The following DLG2 variants were observed in gnomAD, a reference collection of about 807,000 sequenced individuals.
DLG2 encodes the protein disks large homolog 2.
In DLG2, 45 loss-of-function variants were observed where a neutral mutation model predicts 132.5. The ratio of observed to expected loss-of-function variants is 0.34; its 90% CI spans 0.27 to 0.44. DLG2 has a LOEUF of 0.44. Among genes scored for constraint, DLG2 ranks in the 20% least tolerant of loss-of-function variants. The pLI, the probability that DLG2 is intolerant of heterozygous loss-of-function variation, is 1.00. For synonymous variants in DLG2, 424 were observed against 419.6 expected (o/e 1.01, Z -0.13); for missense variants, 1,045 against 1,196.9 (o/e 0.87, Z 1.87).
chr11:84,248,974 T>A (rs2097338065), intron 8 of DLG2, among the ~76,000 whole-genome samples: 1 of 152,230 alleles, frequency 6.6e-6, no homozygotes, highest in African/African-American at 2.4e-5. Flanking sequence ...TTGATGAATT[T>A]GTTATTTGCG....
chr11:85,595,994 T>C (rs1399303778), intron 3 of DLG2, among the ~76,000 whole-genome samples: 1 of 152,184 alleles, frequency 6.6e-6, no homozygotes, highest in Admixed American at 6.5e-5. Flanking sequence ...GGCTCAAGCC[T>C]ATAATCCAAA....
intron 6 of DLG2, among the ~76,000 whole-genome samples, chr11:84,810,196 A>G (rs1451659913): frequency 6.6e-6 from 1 of 152,132 alleles, no homozygotes; most frequent in Non-Finnish European, 1.5e-5. Context: ...AGGAGAAAAT[A>G]TTTGTAAAGC....
At chr11:84,402,387 T>C (rs17734404) in intron 7 of DLG2, among the ~76,000 whole-genome samples, 3,320 of 152,260 alleles carry the variant, frequency 0.022, 51 homozygotes, top group Non-Finnish European at 0.035. Context: ...CTAGGTTTGA[T>C]GGGAAATTTA....
chr11:83,935,640 C>T lies in DLG2; in HGVS notation c.1341-5157G>A, dbSNP rs2081277521. ...CACTGAATTGGGCACTCAAGAATTT[C>T]CACGGGGGCAGTTGGAGTAGATGCC... On this transcript the variant is annotated intron_variant, in intron 14 of 27. Coordinates refer to ENST00000376104, the MANE Select transcript of DLG2 (RefSeq NM_001142699.3). 2.6e-5 allele frequency among the ~76,000 whole-genome samples: 4 copies of T among 152,274 alleles called. No homozygotes were observed. The South Asian group carries it at 8.3e-4, about 32-fold the overall frequency.
chr11:83,499,256 G>T (rs1186944941), intron 21 of DLG2, among the ~76,000 whole-genome samples: 1 of 152,070 alleles, frequency 6.6e-6, no homozygotes, highest in Non-Finnish European at 1.5e-5. Context: ...CACGAGAAAA[G>T]AAGACTACAA....
At chr11:84,058,339 C>G (rs1341440015) in intron 11 of DLG2, among the ~76,000 whole-genome samples, 1 of 151,544 alleles carries the variant, frequency 6.6e-6, no homozygotes, top group African/African-American at 2.4e-5. Flanking sequence ...TTCTGAAGAA[C>G]AGAGTTCAAA....
chr11:84,175,339 T>C (rs1310590776), intron 8 of DLG2, among the ~76,000 whole-genome samples: 2 of 152,146 alleles, frequency 1.3e-5, no homozygotes, highest in Non-Finnish European at 2.9e-5. Flanking sequence ...TGGCACCTAT[T>C]ATAACTGAAC....
chr11:84,948,024 A>C (rs2050441526), intron 6 of DLG2, among the ~76,000 whole-genome samples: 1 of 152,216 alleles, frequency 6.6e-6, no homozygotes, highest in Non-Finnish European at 1.5e-5. Flanking sequence ...TTGTCAGGTT[A>C]GAAGGAGAGA....
At chr11:85,477,672 A>G (rs2093182158) in intron 3 of DLG2, among the ~76,000 whole-genome samples, 1 of 152,206 alleles carries the variant, frequency 6.6e-6, no homozygotes, top group Non-Finnish European at 1.5e-5. Flanking sequence ...ATTTTCACAA[A>G]TAACCTCTAT....
chr11:85,196,944 A>G (rs2081114608), intron 4 of DLG2, among the ~76,000 whole-genome samples: 1 of 152,242 alleles, frequency 6.6e-6, no homozygotes, highest in African/African-American at 2.4e-5. Context: ...AAAAGAATCA[A>G]CCATATCTGT....
chr11:83,891,408 A>T (rs1421632263), intron 15 of DLG2, among the ~76,000 whole-genome samples: 2 of 152,236 alleles, frequency 1.3e-5, no homozygotes, highest in Non-Finnish European at 2.9e-5. Flanking sequence ...CCTAAACATG[A>T]AACAGGGAGT....
chr11:85,367,667 A>G (rs2084660204), intron 3 of DLG2, among the ~76,000 whole-genome samples: 1 of 152,144 alleles, frequency 6.6e-6, no homozygotes, highest in African/African-American at 2.4e-5. Context: ...CTAAAATATG[A>G]AGATAAAATA....
At chr11:84,848,015 C>A (rs2081699258) in intron 6 of DLG2, among the ~76,000 whole-genome samples, 1 of 152,102 alleles carries the variant, frequency 6.6e-6, no homozygotes, top group South Asian at 2.1e-4. Context: ...CAACTGTAAA[C>A]ATTGGTCATT....
chr11:85,573,291 C>G (rs982030341), intron 3 of DLG2, among the ~76,000 whole-genome samples: 7 of 152,166 alleles, frequency 4.6e-5, no homozygotes, highest in Admixed American at 3.9e-4. Flanking sequence ...TTCACAATAA[C>G]TCACAAGCTA....
At chr11:84,976,823 T>G (rs1015978756) in intron 6 of DLG2, among the ~76,000 whole-genome samples, 14 of 152,100 alleles carry the variant, frequency 9.2e-5, no homozygotes, top group African/African-American at 3.4e-4. Flanking sequence ...CTCTTACAAT[T>G]TTTCTATATT....
At chr11:84,886,514 T>C (rs761698136) in intron 6 of DLG2, among the ~76,000 whole-genome samples, 15 of 152,114 alleles carry the variant, frequency 9.9e-5, no homozygotes, top group Non-Finnish European at 2.2e-4. Context: ...CACAAACATC[T>C]CTTGGCACCA....
At chr11:83,544,911 C>T (rs1321183881) in intron 19 of DLG2, among the ~76,000 whole-genome samples, 1 of 152,158 alleles carries the variant, frequency 6.6e-6, no homozygotes, top group African/African-American at 2.4e-5. Context: ...TCTGGCCATG[C>T]TCACGATCTA....
intron 18 of DLG2, among the ~76,000 whole-genome samples, chr11:83,779,549 C>CTAT (rs1464173959): frequency 6.6e-6 from 1 of 152,102 alleles, no homozygotes; most frequent in Non-Finnish European, 1.5e-5. Flanking sequence ...ATTCCTTGGG[C>CTAT]TATTAAAGCC....
At chr11:84,122,728 C>G (rs2093986088) in intron 9 of DLG2, among the ~76,000 whole-genome samples, 1 of 152,128 alleles carries the variant, frequency 6.6e-6, no homozygotes, top group East Asian at 1.9e-4. Context: ...TAAAATGAGG[C>G]AGAAAATTAC....
Sources: allele counts gnomAD v4.1 joint callset (sites outside exome capture counted in the v4.1 genomes callset), GRCh38; gene constraint gnomAD v4.1.1; transcripts MANE v1.5; gene names NCBI Gene and HGNC (gene_info 2026-07-23, HGNC 2026-07-21).